ARFGEF1: variants seen among roughly 807,000 people sequenced by gnomAD.
ARFGEF1 encodes ARF guanine nucleotide exchange factor 1.
ARFGEF1 carries 42 observed loss-of-function variants against 231.0 expected under a neutral mutation model. The observed-to-expected ratio is 0.18, with a 90% confidence interval of 0.14 to 0.24. ARFGEF1 has a LOEUF of 0.24. Ranked by LOEUF, ARFGEF1 falls within the 10% of genes least tolerant of loss-of-function variation. ARFGEF1 has a pLI of 1.00. For synonymous variants in ARFGEF1, 710 were observed against 732.3 expected (o/e 0.97, Z 0.49); for missense variants, 1,345 against 2,192.0 (o/e 0.61, Z 7.72).
intron 5 of ARFGEF1, among the ~76,000 whole-genome samples, chr8:67,185,118 CAA>C (rs1380466613): frequency 1.3e-4 from 19 of 143,834 alleles, no homozygotes; most frequent in East Asian, 1.2e-3. Context: ...AAAAAAAAAA[CAA>C]AAACAAACAA....
chr8:67,204,308 T>TA (rs2129577378), intron 35 of ARFGEF1, among the ~76,000 whole-genome samples: 1 of 152,348 alleles, frequency 6.6e-6, no homozygotes, highest in East Asian at 1.9e-4. Flanking sequence ...TCACTTGACC[T>TA]ATCCAGAGCA....
intron 34 of ARFGEF1, among the ~76,000 whole-genome samples, chr8:67,208,211 A>C (rs1838589340): frequency 6.6e-6 from 1 of 152,206 alleles, no homozygotes; most frequent in Non-Finnish European, 1.5e-5. Flanking sequence ...AGCAAAATAC[A>C]GTGACTGAAG....
chr8:67,280,061 A>C (rs1805472605), intron 7 of ARFGEF1, among the ~76,000 whole-genome samples: 1 of 152,046 alleles, frequency 6.6e-6, no homozygotes, highest in Non-Finnish European at 1.5e-5. Context: ...ACTGGATCAT[A>C]AACTTTGAGG....
intron 14 of ARFGEF1, among the ~76,000 whole-genome samples, chr8:67,260,410 A>G (rs1170846812): frequency 2.0e-5 from 3 of 152,164 alleles, no homozygotes; most frequent in Non-Finnish European, 1.5e-5. Context: ...CTCTCTTTGT[A>G]TCTGTGTCAC....
intron 34 of ARFGEF1, among the ~76,000 whole-genome samples, chr8:67,206,604 G>A (rs1431442428): frequency 6.6e-6 from 1 of 152,176 alleles, no homozygotes; most frequent in Non-Finnish European, 1.5e-5. Context: ...TCACGGGCGT[G>A]CTCCCCTTGT....
chr8:67,232,420 C>G (rs1416226639), intron 23 of ARFGEF1, among the ~76,000 whole-genome samples: 1 of 152,022 alleles, frequency 6.6e-6, no homozygotes, highest in East Asian at 1.9e-4. Context: ...TATATAAATT[C>G]TGAAGTCCTT....
chr8:67,200,675 T>C (rs1448690779), intron 37 of ARFGEF1, among the ~76,000 whole-genome samples, 162 bp from the exon 38 acceptor site: 1 of 152,148 alleles, frequency 6.6e-6, no homozygotes, highest in Non-Finnish European at 1.5e-5. Flanking sequence ...AAACATGCTT[T>C]TCAAATTGGG....
intron 1 of ARFGEF1, among the ~76,000 whole-genome samples, chr8:67,311,635 A>G (rs1253179045): frequency 6.5e-4 from 76 of 116,676 alleles, no homozygotes; most frequent in African/African-American, 1.8e-3. Context: ...CCCCCCGCCC[A>G]GCCAGCCGCC....
intron 7 of ARFGEF1, among the ~76,000 whole-genome samples, chr8:67,284,911 C>G (rs1805687341): frequency 6.6e-6 from 1 of 152,090 alleles, no homozygotes; most frequent in South Asian, 2.1e-4. Flanking sequence ...GAAGGTGAAC[C>G]TGGAACATCT....
intron 1 of ARFGEF1, among the ~76,000 whole-genome samples, chr8:67,340,976 C>T (rs1808598566): frequency 6.6e-6 from 1 of 152,120 alleles, no homozygotes; most frequent in African/African-American, 2.4e-5. Flanking sequence ...ACCCAATGCA[C>T]GAGTTAACAG....
chr8:67,326,568 T>C (rs1807843348), intron 1 of ARFGEF1, among the ~76,000 whole-genome samples: 1 of 152,208 alleles, frequency 6.6e-6, no homozygotes, highest in Non-Finnish European at 1.5e-5. Flanking sequence ...TTTTAGAAAA[T>C]AACAGCAACC....
rs1249315086 is a variant in ARFGEF1 at position 67,199,039 on chromosome 8, C to G, written c.5445G>C (p.Leu1815Phe). 2 of 1,610,904 alleles carry G rather than the reference C, an allele frequency of 1.2e-6. No individual in the cohort carries two copies. Among genetic ancestry groups the G allele is most frequent in the Non-Finnish European group, 1.7e-6 (2 of 1,179,310 alleles). Residue 1815 changes from leucine to phenylalanine, a missense_variant, in exon 39 of 39, where the codon TTG becomes TTC. Leu to Phe is a conservative substitution (Grantham distance 22, BLOSUM62 0). This residue lies in a region of ARFGEF1 where 161 missense variants were observed against 284.9 expected (regional missense o/e 0.57). Transcript: ENST00000262215. The part of the protein sequence containing the change: ...PLLCEIMQFD[L>F]IPELRAVLRR... Reference sequence around the variant, plus strand: ...TAAGAACAGCACGAAGTTCAGGAATCAAGTCAAATTGCATAATTTCACATA... The same window carrying G: ...TAAGAACAGCACGAAGTTCAGGAATGAAGTCAAATTGCATAATTTCACATA...
intron 1 of ARFGEF1, among the ~76,000 whole-genome samples, chr8:67,329,151 G>A (rs567353028): frequency 6.6e-6 from 1 of 151,698 alleles, no homozygotes; most frequent in East Asian, 2.0e-4. Context: ...ACTTGAACTC[G>A]AGAGGCGGAG....
At chr8:67,241,298 A>G (rs1014045609) in intron 19 of ARFGEF1, among the ~76,000 whole-genome samples, 14 of 152,192 alleles carry the variant, frequency 9.2e-5, no homozygotes, top group African/African-American at 3.1e-4. Context: ...TTCATCTATT[A>G]TATTTGAACT....
chr8:67,227,028 T>C, intron 27 of ARFGEF1, 109 bp downstream of exon 27: 1 of 991,522 alleles, frequency 1.0e-6, no homozygotes, highest in Non-Finnish European at 1.4e-6. Flanking sequence ...AGACAAAGCT[T>C]GGTAAACTTA....
At chr8:67,292,161 G>A (rs1485945654) in intron 5 of ARFGEF1, 38 bp from the exon 6 acceptor site, 8 of 1,577,038 alleles carry the variant, frequency 5.1e-6, no homozygotes, top group Non-Finnish European at 6.9e-6. Flanking sequence ...AGTAAAATAA[G>A]TTGTTTAAAA....
At chr8:67,300,660 CAAAA>C (rs200434355) in intron 3 of ARFGEF1, among the ~76,000 whole-genome samples, 267 of 88,626 alleles carry the variant, frequency 3.0e-3, no homozygotes, top group African/African-American at 0.01. Flanking sequence ...CTTGTCTCTT[CAAAA>C]AAAAAAAAAA....
At chr8:67,328,483 T>C (rs1020236407) in intron 1 of ARFGEF1, among the ~76,000 whole-genome samples, 2 of 152,218 alleles carry the variant, frequency 1.3e-5, no homozygotes, top group African/African-American at 4.8e-5. Context: ...ATTATTGTTT[T>C]GCCAGCAATT....
At chr8:67,236,349 T>TTAAAAAAAAAAA (rs1468178393) in intron 22 of ARFGEF1, among the ~76,000 whole-genome samples, 1 of 13,958 alleles carries the variant, frequency 7.2e-5, no homozygotes, top group African/African-American at 2.4e-4. Flanking sequence ...AGATATTAGT[T>TTAAAAAAAAAAA]AAAAAAAAAA....
Sources: gnomAD v4.1 joint callset for allele counts (sites outside exome capture counted in the v4.1 genomes callset) on GRCh38, gnomAD v4.1.1 for gene constraint, gnomAD v4.1.1 regional missense constraint, MANE v1.5 for transcripts, NCBI Gene and HGNC (gene_info 2026-07-23, HGNC 2026-07-21) for gene names.